Variants in CLNK observed in about 807,000 individuals in gnomAD.
The protein encoded by CLNK is cytokine dependent hematopoietic cell linker, also known as cytokine-dependent hematopoietic cell linker.
Under a neutral mutation model 68.6 loss-of-function variants are expected in CLNK, and 74 were observed. The ratio of observed to expected loss-of-function variants is 1.08; its 90% CI spans 0.89 to 1.31. The LOEUF (loss-of-function observed/expected upper bound fraction) is 1.31. Ranked by LOEUF, CLNK falls within the 50% of genes most tolerant of loss-of-function variation. CLNK has a pLI of 0.00. For missense variants in CLNK, 553 were observed against 515.3 expected (o/e 1.07, Z -0.71); for synonymous variants, 198 against 172.2 (o/e 1.15, Z -1.17).
At position 10,532,352 on chromosome 4, in the gene CLNK, G is replaced by A. The variant is rs955212075; in HGVS notation, c.603-69C>T. ...AATGACCAAGATAAAATCATTCTGAGCCTTACAAACCTTTCATTACATTTT... is the reference window on the plus strand; with the variant it reads ...AATGACCAAGATAAAATCATTCTGAACCTTACAAACCTTTCATTACATTTT... On this transcript the variant is annotated intron_variant, in intron 11 of 18. Coordinates refer to ENST00000226951, the MANE Select transcript of CLNK (RefSeq NM_052964.4). 3.1e-6 allele frequency: 4 copies of A among 1,301,350 alleles called. No individual in the cohort carries two copies. The African/African-American group carries it at 5.8e-5, about 19-fold the overall frequency. The allele number at this position is 1,301,350 out of a possible 1,614,324, so 80.6% of individuals were successfully genotyped here.
At chr4:10,619,607 G>GA (rs990393521) in intron 2 of CLNK, among the ~76,000 whole-genome samples, 9 of 150,342 alleles carry the variant, frequency 6.0e-5, no homozygotes, top group East Asian at 3.9e-4. Context: ...GGTGGAAAAA[G>GA]AAAAAAAAGG....
intron 3 of CLNK, among the ~76,000 whole-genome samples, chr4:10,596,245 G>A (rs1721380285): frequency 1.3e-5 from 2 of 151,972 alleles, no homozygotes; most frequent in South Asian, 2.1e-4. Flanking sequence ...GGGTGGTCTC[G>A]AACTCCTGAC....
At chr4:10,508,689 G>C (rs1477559034) in intron 16 of CLNK, among the ~76,000 whole-genome samples, 1 of 152,114 alleles carries the variant, frequency 6.6e-6, no homozygotes, top group Non-Finnish European at 1.5e-5. Flanking sequence ...CCCCCCTTGT[G>C]AGTCCAGCAT....
chr4:10,635,020 C>T (rs1723028441), intron 2 of CLNK, among the ~76,000 whole-genome samples: 2 of 152,108 alleles, frequency 1.3e-5, no homozygotes, highest in South Asian at 2.1e-4. Flanking sequence ...GGCTATTTCC[C>T]CTTTCAAAAG....
chr4:10,521,958 TAATGAA>T, intron 14 of CLNK, among the ~76,000 whole-genome samples: 1 of 152,110 alleles, frequency 6.6e-6, no homozygotes, highest in Admixed American at 6.6e-5. Context: ...AAAAACAAAA[TAATGAA>T]AATGAAAATT....
upstream of CLNK, among the ~76,000 whole-genome samples, chr4:10,686,251 A>G (rs148556036): frequency 0.019 from 2,951 of 152,220 alleles, 42 homozygotes; most frequent in Non-Finnish European, 0.031. Context: ...ACAGTGAATG[A>G]TGGCTCACCC....
intron 11 of CLNK, among the ~76,000 whole-genome samples, chr4:10,538,919 G>A (rs1037799336): frequency 2.0e-5 from 3 of 152,190 alleles, no homozygotes; most frequent in African/African-American, 7.2e-5. Flanking sequence ...GTTAAAAATA[G>A]GTTGGTAAGA....
chr4:10,699,351 C>CACCACATACGTGTGTGTAT, the CLNK span, among the ~76,000 whole-genome samples: 1 of 145,036 alleles, frequency 6.9e-6, no homozygotes, highest in African/African-American at 2.5e-5. Flanking sequence ...TATACACACA[C>CACCACATACGTGTGTGTAT]ACACACACAG....
At chr4:10,580,342 C>G (rs1303536896) in intron 4 of CLNK, among the ~76,000 whole-genome samples, 1 of 152,146 alleles carries the variant, frequency 6.6e-6, no homozygotes, top group Non-Finnish European at 1.5e-5. Context: ...AACTATAACA[C>G]TGGTTTGAGT....
the CLNK span, among the ~76,000 whole-genome samples, chr4:10,732,597 T>G: frequency 6.6e-6 from 1 of 152,036 alleles, no homozygotes. Context: ...TCCATCTAAC[T>G]CTGAAGTTCC....
At chr4:10,569,553 C>T (rs535169768) in intron 5 of CLNK, among the ~76,000 whole-genome samples, 7 of 152,274 alleles carry the variant, frequency 4.6e-5, no homozygotes, top group African/African-American at 1.7e-4. Context: ...CAGTTTATGG[C>T]ATATTGTTAT....
chr4:10,661,547 G>C (rs1201282616), intron 2 of CLNK, among the ~76,000 whole-genome samples: 1 of 152,206 alleles, frequency 6.6e-6, no homozygotes, highest in Non-Finnish European at 1.5e-5. Context: ...TGCTGTTTTA[G>C]TGCTGAGCCA....
chr4:10,580,917 T>G (rs1720755863), intron 4 of CLNK, among the ~76,000 whole-genome samples: 1 of 152,230 alleles, frequency 6.6e-6, no homozygotes. Flanking sequence ...TTTACGGTGA[T>G]GATCAAGCCT....
At chr4:10,526,401 A>C (rs1718321350) in intron 13 of CLNK, among the ~76,000 whole-genome samples, 1 of 152,216 alleles carries the variant, frequency 6.6e-6, no homozygotes. Flanking sequence ...ATAAGCATGC[A>C]AGTAAGTCGA....
At chr4:10,704,025 A>G in the CLNK span, among the ~76,000 whole-genome samples, 1 of 152,174 alleles carries the variant, frequency 6.6e-6, no homozygotes, top group Non-Finnish European at 1.5e-5. Context: ...ATATTATTTG[A>G]GAGTGTATGG....
intron 2 of CLNK, among the ~76,000 whole-genome samples, chr4:10,613,007 T>C (rs763853726): frequency 4.7e-4 from 72 of 152,378 alleles, no homozygotes; most frequent in Non-Finnish European, 8.7e-4. Context: ...ACAACACATT[T>C]ATTTTTTTCT....
At chr4:10,559,357 A>G (rs1318851473) in intron 7 of CLNK, among the ~76,000 whole-genome samples, 2 of 152,078 alleles carry the variant, frequency 1.3e-5, no homozygotes, top group Admixed American at 6.5e-5. Flanking sequence ...TCTTTTGGTT[A>G]TATCTAATTA....
chr4:10,720,337 T>C, the CLNK span, among the ~76,000 whole-genome samples: 2 of 151,974 alleles, frequency 1.3e-5, no homozygotes, highest in African/African-American at 4.8e-5. Context: ...TTACCATGAC[T>C]AGGAATGAAA....
At chr4:10,686,123 A>C (rs565242871), upstream of CLNK, among the ~76,000 whole-genome samples, 152 of 152,210 alleles carry the variant, frequency 1.0e-3, no homozygotes, top group African/African-American at 3.5e-3. Flanking sequence ...TGAGGAGAAG[A>C]TCTGTTCCAG....
Sources: gnomAD v4.1 joint callset for allele counts (sites outside exome capture counted in the v4.1 genomes callset) on GRCh38, gnomAD v4.1.1 for gene constraint, MANE v1.5 for transcripts, NCBI Gene and HGNC (gene_info 2026-07-23, HGNC 2026-07-21) for gene names.